The following PRRC2B variants were observed in gnomAD, a reference collection of about 807,000 sequenced individuals.
PRRC2B encodes proline rich coiled-coil 2B.
PRRC2B carries 68 observed loss-of-function variants against 242.3 expected under a neutral mutation model. The observed-to-expected ratio is 0.28, with a 90% confidence interval of 0.23 to 0.34. PRRC2B has a LOEUF of 0.34. PRRC2B is among the 10% of genes least tolerant of loss of function. The probability of loss-of-function intolerance (pLI) is 1.00; values close to 1 mark genes in which losing one functional copy is unlikely to be tolerated. For synonymous variants in PRRC2B, 1,228 were observed against 1,173.6 expected, an observed-to-expected ratio of 1.05 and a Z score of -0.95; for missense variants, 2,835 against 2,954.8, an observed-to-expected ratio of 0.96 and a Z score of 0.94.
intron 19 of PRRC2B, among the ~76,000 whole-genome samples, chr9:131,481,328 A>G (rs1943859107): frequency 6.6e-6 from 1 of 151,186 alleles, no homozygotes; most frequent in African/African-American, 2.4e-5. Context: ...AAAAAAAAAA[A>G]AAAAGAAAGA....
At chr9:131,419,261 G>C (rs1472011005) in intron 1 of PRRC2B, among the ~76,000 whole-genome samples, 1 of 152,178 alleles carries the variant, frequency 6.6e-6, no homozygotes, top group Non-Finnish European at 1.5e-5. Flanking sequence ...GAATCTCCCT[G>C]CATCTCTGTC....
At chr9:131,388,840 CTT>C (rs1315362492) in intron 1 of PRRC2B, among the ~76,000 whole-genome samples, 1,505 of 121,002 alleles carry the variant, frequency 0.012, 32 homozygotes, top group African/African-American at 0.041. Flanking sequence ...CTCCTTTTAC[CTT>C]TTTTTTTTTT....
Position 131,494,978 on chromosome 9 carries a change from C to G in PRRC2B, c.6555+492C>G, listed in dbSNP as rs115469554. On this transcript the variant is annotated intron_variant, in intron 31 of 31. Transcript: ENST00000683519. The surrounding 1 kb of genome is among the most constrained non-coding windows in gnomAD (Gnocchi z 4.3). ...CTATTCTCTTCTCTATTCTCTAAAA[C>G]GTGCTGGGGCTCAGAGCTTAAGCCC... is the stretch of plus-strand genomic sequence containing the variant. 1.3e-5 allele frequency among the ~76,000 whole-genome samples: 2 copies of G among 152,202 alleles called. No homozygotes were observed. Among genetic ancestry groups the G allele is most frequent in the African/African-American group, 4.8e-5 (2 of 41,446 alleles).
rs561661956 is a variant in PRRC2B at position 131,423,941 on chromosome 9, GT to G, written c.-51-6141del. Among the ~76,000 whole-genome samples the G allele has an allele frequency of 3.1e-3, 456 of 147,064 alleles. 1 individual carries two copies. Among genetic ancestry groups the G allele is most frequent in the African/African-American group, 0.01 (415 of 39,942 alleles). On this transcript the variant is annotated intron_variant, in intron 1 of 31. Transcript: ENST00000683519. Reference sequence around the variant, plus strand: ...ACAGTAAGCCATTTCTTTCTGCTACGTTTTTTTTTTTTAGACAGATTTTTCC... The same window carrying G: ...ACAGTAAGCCATTTCTTTCTGCTACGTTTTTTTTTTTAGACAGATTTTTCC...
chr9:131,382,887 C>T (rs142808415), intron 1 of PRRC2B, among the ~76,000 whole-genome samples: 4,035 of 152,194 alleles, frequency 0.027, 166 homozygotes, highest in African/African-American at 0.089. Context: ...TCAAGTGATC[C>T]GCCCGCCTTG....
chr9:131,392,346 C>G (rs1836913158), upstream of PRRC2B, among the ~76,000 whole-genome samples: 1 of 152,124 alleles, frequency 6.6e-6, no homozygotes, highest in African/African-American at 2.4e-5. Flanking sequence ...ATCCACCTGC[C>G]TCGACCTACC....
At chr9:131,401,194 A>G (rs984024464) in intron 1 of PRRC2B, among the ~76,000 whole-genome samples, 3 of 152,250 alleles carry the variant, frequency 2.0e-5, no homozygotes, top group South Asian at 4.1e-4. Context: ...TGAAGTATAC[A>G]TAACATAAAA....
In PRRC2B at chr9:131,483,365, G is replaced by A. The variant is rs754915526; in HGVS notation, c.5380G>A (p.Asp1794Asn). Residue 1794 changes from aspartate (D) to asparagine (N), a missense_variant, in exon 23 of 32, where the codon GAT becomes AAT. Transcript: ENST00000683519. Reference sequence around the variant, plus strand: ...GCCTTTTTTATTTTTTCAGGACTCCGATTTCAGCTTGCCACCTGGTTCTGC... The same window carrying A: ...GCCTTTTTTATTTTTTCAGGACTCCAATTTCAGCTTGCCACCTGGTTCTGC... ...IEFGVSPKDS[D>N]FSLPPGSASG... The A allele has an allele frequency of 5.0e-6, 8 of 1,613,932 alleles. No individual in the cohort carries two copies. The highest frequency in any genetic ancestry group is 1.7e-4 in the Middle Eastern group (1 of 6,052).
chr9:131,475,060 G>A lies in PRRC2B; in HGVS notation c.2931G>A (p.Lys977=), dbSNP rs1424830539. The A allele has an allele frequency of 6.2e-7, 1 of 1,610,860 alleles. No homozygotes were observed. The highest frequency in any genetic ancestry group is 8.5e-7 in the Non-Finnish European group (1 of 1,178,504). ...AGAGTACCCGGCTGGCCAAGGAGAA[G>A]GAGCAGAGCCCCACGGCAGAAAAGG... is the stretch of plus-strand genomic sequence containing the variant. ...GEESTRLAKE[K]EQSPTAEKDE... Residue 977 remains lysine (K), a synonymous_variant, in exon 16 of 32, where the codon AAG becomes AAA. Transcript: ENST00000683519.
rs905469541 is a variant in PRRC2B, at chr9:131,495,600, C to G, written c.6556-140C>G. ...CTTACTAGGAGGGGGGTTTCTAAGT[C>G]TGGTCCTTCAACCAAGGGACTGACA... On this transcript the variant is annotated intron_variant, in intron 31 of 31. Coordinates refer to ENST00000683519, the MANE Select transcript of PRRC2B (RefSeq NM_013318.4). The G allele has an allele frequency of 6.5e-6, 6 of 922,336 alleles. No individual in the cohort carries two copies. The African/African-American group carries it at 9.9e-5, about 15-fold the overall frequency. 57.1% of individuals were successfully genotyped at this position (922,336 alleles called of 1,614,324 possible).
intron 30 of PRRC2B, among the ~76,000 whole-genome samples, chr9:131,492,763 T>C (rs1944231635): frequency 6.6e-6 from 1 of 152,220 alleles, no homozygotes; most frequent in Admixed American, 6.5e-5. Context: ...CCTTTGTGTC[T>C]GTCTCCACCT....
chr9:131,379,588 C>T lies in PRRC2B; in HGVS notation c.-56+5857C>T, dbSNP rs1177078080. On this transcript the variant is annotated intron_variant, in intron 1 of 1. Coordinates refer to the PRRC2B transcript ENST00000682525. ...ATGTGCTCATCGGCCATGTGTATAT[C>T]TTCTTTGAAGAAATACCTATTCAAG... Among the ~76,000 whole-genome samples, 8 of 148,320 alleles carry T rather than the reference C, an allele frequency of 5.4e-5. No individual in the cohort carries two copies. The South Asian group carries it at 1.5e-3, about 27-fold the overall frequency.
chr9:131,466,196 TAG>T (rs1356453182), intron 12 of PRRC2B, among the ~76,000 whole-genome samples: 1 of 152,264 alleles, frequency 6.6e-6, no homozygotes, highest in East Asian at 1.9e-4. Context: ...CTTCTCGGGT[TAG>T]AGAGTCCTAG....
At chr9:131,488,189 C>T (rs1944080579) in intron 28 of PRRC2B, 93 bp downstream of exon 28, 2 of 1,478,440 alleles carry the variant, frequency 1.4e-6, no homozygotes, top group Middle Eastern at 1.8e-4. Flanking sequence ...GTGTGCTGGC[C>T]TATCGTGCTG....
chr9:131,387,508 C>T (rs1388581079), intron 1 of PRRC2B, among the ~76,000 whole-genome samples: 1 of 150,388 alleles, frequency 6.6e-6, no homozygotes, highest in Non-Finnish European at 1.5e-5. Context: ...TTAACCATCA[C>T]AGCAGAGAAC....
At chr9:131,448,675 C>T (rs1838911383) in intron 9 of PRRC2B, among the ~76,000 whole-genome samples, 1 of 151,560 alleles carries the variant, frequency 6.6e-6, no homozygotes, top group Admixed American at 6.6e-5. Context: ...CCTTCCTCAG[C>T]CTCCGGAGTA....
intron 25 of PRRC2B, 118 bp from the exon 26 acceptor site, chr9:131,485,967 C>T: frequency 2.6e-6 from 2 of 758,424 alleles, no homozygotes; most frequent in Non-Finnish European, 4.7e-6. Flanking sequence ...TGTACACACG[C>T]CCTCGTCCCC....
intron 1 of PRRC2B, among the ~76,000 whole-genome samples, chr9:131,377,095 C>T (rs779664298): frequency 2.6e-5 from 4 of 151,924 alleles, no homozygotes; most frequent in South Asian, 4.2e-4. Context: ...AATACATAAC[C>T]TTTTCAATTA....
intron 1 of PRRC2B, among the ~76,000 whole-genome samples, chr9:131,407,693 A>C (rs951652625): frequency 6.6e-6 from 1 of 151,844 alleles, no homozygotes; most frequent in Non-Finnish European, 1.5e-5. Flanking sequence ...GGATTTATTT[A>C]TTTTCATCAA....
Sources: allele counts gnomAD v4.1 joint callset (sites outside exome capture counted in the v4.1 genomes callset), GRCh38; gene constraint gnomAD v4.1.1; non-coding constraint Gnocchi (gnomAD v3.1); transcripts MANE v1.5; gene names NCBI Gene and HGNC (gene_info 2026-07-23, HGNC 2026-07-21).